Variants in LRMDA observed in about 807,000 individuals in gnomAD.
The protein encoded by LRMDA is leucine-rich melanocyte differentiation-associated protein.
LRMDA carries 18 observed loss-of-function variants against 29.8 expected under a neutral mutation model. The ratio of observed to expected loss-of-function variants is 0.60; its 90% CI spans 0.42 to 0.90. The LOEUF is 0.90. Ranked by LOEUF, LRMDA falls within the 40% of genes least tolerant of loss-of-function variation. LRMDA has a pLI of 0.00. For missense variants in LRMDA, 273 were observed against 273.9 expected (o/e 1.00, Z 0.02); for synonymous variants, 125 against 109.4 (o/e 1.14, Z -0.89).
intron 3 of LRMDA, among the ~76,000 whole-genome samples, chr10:76,044,230 T>C (rs1386156772): frequency 6.6e-6 from 1 of 152,028 alleles, no homozygotes; most frequent in Non-Finnish European, 1.5e-5. Context: ...GAGCAAACCA[T>C]GAAGGGGAGA....
chr10:76,306,555 A>G (rs1211949911), intron 5 of LRMDA, among the ~76,000 whole-genome samples: 1 of 152,194 alleles, frequency 6.6e-6, no homozygotes. Context: ...CATTGTCCTC[A>G]TCCTCAACAC....
At chr10:75,629,624 T>C (rs1841298288) in intron 2 of LRMDA, among the ~76,000 whole-genome samples, 1 of 152,196 alleles carries the variant, frequency 6.6e-6, no homozygotes, top group South Asian at 2.1e-4. Context: ...TCTTTTTTTT[T>C]TACTAGCAAA....
intron 6 of LRMDA, among the ~76,000 whole-genome samples, chr10:76,328,435 A>G (rs933476205): frequency 3.3e-5 from 5 of 152,212 alleles, no homozygotes; most frequent in Admixed American, 2.0e-4. Flanking sequence ...TATTTTTCCC[A>G]TTTAACAGAG....
intron 2 of LRMDA, among the ~76,000 whole-genome samples, chr10:75,492,376 C>T (rs558483493): frequency 2.8e-4 from 42 of 152,326 alleles, no homozygotes; most frequent in Admixed American, 8.5e-4. Flanking sequence ...CCTGGTTTGA[C>T]GCTTTAGGTA....
chr10:75,722,217 C>A (rs11001481), intron 2 of LRMDA, among the ~76,000 whole-genome samples: 1 of 152,034 alleles, frequency 6.6e-6, no homozygotes, highest in Non-Finnish European at 1.5e-5. Flanking sequence ...CCTGGTGCAT[C>A]GTTATTGCTA....
rs73279294 is a variant in LRMDA at position 75,879,907 on chromosome 10, C to T, written c.132-156101C>T. On this transcript the variant is annotated intron_variant, in intron 2 of 6. Coordinates refer to ENST00000611255, the MANE Select transcript of LRMDA (RefSeq NM_001305581.2). ...AGTATCAGAAAGTTATTTGAACTCACAACTTGTTTGCCATTCATGCTTATA... is the reference window on the plus strand; with the variant it reads ...AGTATCAGAAAGTTATTTGAACTCATAACTTGTTTGCCATTCATGCTTATA... 4.3e-3 allele frequency among the ~76,000 whole-genome samples: 659 copies of T among 152,288 alleles called. 3 individuals are homozygous for T. Among genetic ancestry groups the T allele is most frequent in the African/African-American group, 0.015 (628 of 41,564 alleles).
At chr10:76,098,066 C>T (rs1186012059) in intron 5 of LRMDA, among the ~76,000 whole-genome samples, 3 of 152,012 alleles carry the variant, frequency 2.0e-5, no homozygotes, top group African/African-American at 7.2e-5. Flanking sequence ...AACTTATTTC[C>T]CCTTTCTAGC....
In LRMDA at chr10:76,342,916, T is replaced by TACTATATTACCAAACATAC. The variant is rs566680984; in HGVS notation, c.601+18431_601+18432insACTATATTACCAAACATAC. On this transcript the variant is annotated intron_variant, in intron 6 of 6. Coordinates refer to ENST00000611255, the MANE Select transcript of LRMDA (RefSeq NM_001305581.2). ...TTTTACAAGGAAATTTTACCAAACA[T>TACTATATTACCAAACATAC]TAGAAGAGTAGATACTTATAGTATT... Among the ~76,000 whole-genome samples, 988 of 152,302 alleles carry TACTATATTACCAAACATAC rather than the reference T, an allele frequency of 6.5e-3. 3 individuals are homozygous for TACTATATTACCAAACATAC. The highest frequency in any genetic ancestry group is 0.01 in the Middle Eastern group (3 of 294).
chr10:76,305,556 A>T (rs999186183), intron 5 of LRMDA, among the ~76,000 whole-genome samples: 16 of 152,180 alleles, frequency 1.1e-4, no homozygotes, highest in Non-Finnish European at 1.8e-4. Context: ...TGTGTTTGAG[A>T]GTTGAAGACT....
chr10:76,475,232 T>C (rs895465700), intron 6 of LRMDA, among the ~76,000 whole-genome samples: 6 of 151,770 alleles, frequency 4.0e-5, no homozygotes, highest in African/African-American at 1.4e-4. Context: ...TCTTTTGGGA[T>C]TGATGAAAAT....
intron 6 of LRMDA, among the ~76,000 whole-genome samples, chr10:76,390,935 G>C (rs1841716788): frequency 6.6e-6 from 1 of 152,176 alleles, no homozygotes; most frequent in Non-Finnish European, 1.5e-5. Context: ...CACGTGGAGA[G>C]AGTTAGCATT....
At chr10:76,538,014 A>G (rs1843308926) in intron 6 of LRMDA, among the ~76,000 whole-genome samples, 1 of 152,230 alleles carries the variant, frequency 6.6e-6, no homozygotes, top group African/African-American at 2.4e-5. Context: ...TCTGTTACTT[A>G]GAATATATTC....
At chr10:76,186,067 G>A (rs1851143432) in intron 5 of LRMDA, among the ~76,000 whole-genome samples, 1 of 134,212 alleles carries the variant, frequency 7.5e-6, no homozygotes, top group South Asian at 2.4e-4. Context: ...ATTAGCTGGT[G>A]GGATTTTTTT....
At chr10:75,500,587 A>G (rs1405224271) in intron 2 of LRMDA, among the ~76,000 whole-genome samples, 1 of 152,210 alleles carries the variant, frequency 6.6e-6, no homozygotes, top group African/African-American at 2.4e-5. Context: ...ACAAAAAAAG[A>G]TGCTACCTGA....
intron 2 of LRMDA, among the ~76,000 whole-genome samples, chr10:75,791,025 G>A (rs1304323761): frequency 1.3e-5 from 2 of 152,220 alleles, no homozygotes; most frequent in Non-Finnish European, 2.9e-5. Context: ...CTCAGCAGAA[G>A]GGGCTTCATT....
intron 2 of LRMDA, among the ~76,000 whole-genome samples, chr10:75,470,552 G>T (rs368663255): frequency 5.9e-5 from 9 of 152,240 alleles, no homozygotes; most frequent in African/African-American, 2.2e-4. Flanking sequence ...AGGCATTTCA[G>T]CCATCAGGAA....
chr10:76,209,703 C>A (rs926731332), intron 5 of LRMDA, among the ~76,000 whole-genome samples: 11 of 152,160 alleles, frequency 7.2e-5, no homozygotes, highest in African/African-American at 2.7e-4. Flanking sequence ...TCTCTCTGAA[C>A]ATGGAGCCAG....
At chr10:76,327,880 C>T (rs1327303371) in intron 6 of LRMDA, among the ~76,000 whole-genome samples, 1 of 152,150 alleles carries the variant, frequency 6.6e-6, no homozygotes, top group Non-Finnish European at 1.5e-5. Context: ...AGTCACAAAG[C>T]CTAACTTCTA....
intron 2 of LRMDA, among the ~76,000 whole-genome samples, chr10:75,903,161 GTCAT>G: frequency 6.6e-6 from 1 of 152,326 alleles, no homozygotes; most frequent in East Asian, 1.9e-4. Flanking sequence ...CTCTATTTAA[GTCAT>G]TGAGGGAATT....
Sources: gnomAD v4.1 joint callset for allele counts (sites outside exome capture counted in the v4.1 genomes callset) on GRCh38, gnomAD v4.1.1 for gene constraint, MANE v1.5 for transcripts, NCBI Gene and HGNC (gene_info 2026-07-23, HGNC 2026-07-21) for gene names.